ASAP1: variants seen among roughly 807,000 people sequenced by gnomAD.
The protein encoded by ASAP1 is arf-GAP with SH3 domain, ANK repeat and PH domain-containing protein 1.
A neutral mutation model predicts 145.2 loss-of-function variants in ASAP1; 43 were observed. The observed-to-expected ratio is 0.30, with a 90% CI of 0.23 to 0.38. ASAP1 has a LOEUF of 0.38. Among genes scored for constraint, ASAP1 ranks in the 10% least tolerant of loss-of-function variants. ASAP1 has a pLI of 1.00. For synonymous variants in ASAP1, 546 were observed against 515.5 expected (o/e 1.06, Z -0.80); for missense variants, 1,018 against 1,355.3 (o/e 0.75, Z 3.91).
intron 8 of ASAP1, 70 bp from the exon 9 acceptor site, chr8:130,179,419 GCTGAACATCACCC>G: frequency 1.1e-6 from 1 of 905,500 alleles, no homozygotes. Flanking sequence ...GGTTCAGGTG[GCTGAACATCACCC>G]CTGAATCTGC....
At chr8:130,280,182 A>G (rs1336228790) in intron 3 of ASAP1, among the ~76,000 whole-genome samples, 1 of 152,228 alleles carries the variant, frequency 6.6e-6, no homozygotes, top group Non-Finnish European at 1.5e-5. Flanking sequence ...AACTGAACAA[A>G]GATGATTTTA....
chr8:130,219,205 T>C (rs1199521283), intron 4 of ASAP1, among the ~76,000 whole-genome samples: 1 of 124,270 alleles, frequency 8.0e-6, no homozygotes, highest in African/African-American at 2.8e-5. Flanking sequence ...TCTTTTTTTT[T>C]TTTAACATAC....
chr8:130,284,739 G>A (rs1821491397), intron 3 of ASAP1, among the ~76,000 whole-genome samples: 1 of 151,882 alleles, frequency 6.6e-6, no homozygotes, highest in Admixed American at 6.6e-5. Context: ...AAGCATGACA[G>A]CTTTGCACAG....
chr8:130,335,774 T>C (rs1824994809), intron 3 of ASAP1, among the ~76,000 whole-genome samples: 1 of 152,134 alleles, frequency 6.6e-6, no homozygotes. Context: ...GTTAAGAAAA[T>C]GTAGCTCAGG....
At chr8:130,091,017 T>C (rs539421431) in intron 25 of ASAP1, among the ~76,000 whole-genome samples, 20 of 152,324 alleles carry the variant, frequency 1.3e-4, no homozygotes, top group Admixed American at 9.8e-4. Context: ...CGTGATGGGG[T>C]GACCCCTAAG....
chr8:130,334,071 T>C lies in ASAP1; in HGVS notation c.186+23946A>G, dbSNP rs150730350. On this transcript the variant is annotated intron_variant, in intron 3 of 29. Transcript: ENST00000518721. Reference sequence around the variant, plus strand: ...GTCCAGAAAGATGAGTAGGTGTTCATCTGGTACAGGAGGAGGCAAGGAGAC... The same window carrying C: ...GTCCAGAAAGATGAGTAGGTGTTCACCTGGTACAGGAGGAGGCAAGGAGAC... Among the ~76,000 whole-genome samples the C allele has an allele frequency of 5.3e-5, 8 of 152,280 alleles. No individual in the cohort carries two copies. In the East Asian group the frequency reaches 1.5e-3, roughly 29 times the overall value.
Position 130,188,163 on chromosome 8 carries a change from A to AT in ASAP1, c.425dup (p.Asn142LysfsTer26). ...ACAAAGAATCCAAGGTGAAGATCAC[A>AT]TTGTGGCTCAAACCCTGGAGCTGAA... On this transcript the variant is annotated frameshift_variant, in exon 6 of 30. Transcript: ENST00000518721. LOFTEE classifies it high-confidence loss of function. 1 of 1,613,894 alleles carries AT rather than the reference A, an allele frequency of 6.2e-7. No individual in the cohort carries two copies.
At chr8:130,434,007 C>T (rs1013702154) in intron 1 of ASAP1, among the ~76,000 whole-genome samples, 9 of 152,164 alleles carry the variant, frequency 5.9e-5, no homozygotes, top group African/African-American at 2.2e-4. Context: ...CACAGATCGC[C>T]TTGCTTAAAA....
chr8:130,377,384 AAG>A lies in ASAP1; in HGVS notation c.60-19243_60-19242del, dbSNP rs796715723. Among the ~76,000 whole-genome samples the A allele has an allele frequency of 2.0e-5, 3 of 152,212 alleles. No homozygotes were observed. In the East Asian group the frequency reaches 5.8e-4, roughly 29 times the overall value. On this transcript the variant is annotated intron_variant, in intron 2 of 29. Transcript: ENST00000518721. ...TTCCCCAAAAATTAAATTAAAAAAA[AAG>A]AATTCCTGAGACCATGTGTGATCGA...
intron 3 of ASAP1, among the ~76,000 whole-genome samples, chr8:130,308,241 T>C (rs1172687184): frequency 6.6e-6 from 1 of 152,204 alleles, no homozygotes; most frequent in Non-Finnish European, 1.5e-5. Flanking sequence ...TTGAGTGTTT[T>C]CTCCCACTGG....
chr8:130,366,270 T>C (rs1826944399), intron 2 of ASAP1, among the ~76,000 whole-genome samples: 1 of 152,214 alleles, frequency 6.6e-6, no homozygotes, highest in African/African-American at 2.4e-5. Context: ...CAGTATAAAG[T>C]TTGGCACACC....
intron 3 of ASAP1, among the ~76,000 whole-genome samples, chr8:130,353,613 T>TA (rs1464524143): frequency 2.0e-5 from 3 of 152,348 alleles, no homozygotes; most frequent in African/African-American, 7.2e-5. Context: ...CTCATGCCTG[T>TA]AATCCCAGCA....
At position 130,078,981 on chromosome 8, in the gene ASAP1, C is replaced by G. The variant is rs1398438483; in HGVS notation, c.2642+921G>C. Among the ~76,000 whole-genome samples, 3 of 152,192 alleles carry G rather than the reference C, an allele frequency of 2.0e-5. No individual in the cohort carries two copies. The East Asian group carries it at 5.8e-4, about 29-fold the overall frequency. ...GGCTGAAGCAGGAGGATTGCTTGAG[C>G]CCAGAAGTTCAAGACCAGCTTGGGC... On this transcript the variant is annotated intron_variant, in intron 26 of 29. Coordinates refer to ENST00000518721, the MANE Select transcript of ASAP1 (RefSeq NM_018482.4).
At chr8:130,187,733 T>A (rs908511687) in intron 6 of ASAP1, among the ~76,000 whole-genome samples, 1 of 152,048 alleles carries the variant, frequency 6.6e-6, no homozygotes, top group African/African-American at 2.4e-5. Context: ...CATCAAACCA[T>A]GTGTTATATA....
At chr8:130,222,168 T>C (rs1817330760) in intron 4 of ASAP1, among the ~76,000 whole-genome samples, 1 of 152,234 alleles carries the variant, frequency 6.6e-6, no homozygotes, top group Non-Finnish European at 1.5e-5. Flanking sequence ...AAACATACTT[T>C]GTATATTCAT....
At chr8:130,305,279 C>G (rs1347314209) in intron 3 of ASAP1, among the ~76,000 whole-genome samples, 4 of 152,240 alleles carry the variant, frequency 2.6e-5, no homozygotes, top group African/African-American at 9.6e-5. Flanking sequence ...TTCTTAGTCT[C>G]TTTCTCATTG....
intron 13 of ASAP1, among the ~76,000 whole-genome samples, chr8:130,151,401 A>G (rs1351231401): frequency 1.7e-5 from 2 of 120,018 alleles, no homozygotes; most frequent in Non-Finnish European, 3.5e-5. Flanking sequence ...AAAAAAAAAA[A>G]AAAAAAAAAA....
chr8:130,248,158 T>C lies in ASAP1; in HGVS notation c.187-11164A>G, dbSNP rs538051293. On this transcript the variant is annotated intron_variant, in intron 3 of 29. Transcript: ENST00000518721. ...TTTATCTACCTGGTATTTCTAATCCTAACTCTGGCCCATTGAGAGGTCACT... is the reference window on the plus strand; with the variant it reads ...TTTATCTACCTGGTATTTCTAATCCCAACTCTGGCCCATTGAGAGGTCACT... Among the ~76,000 whole-genome samples the C allele has an allele frequency of 5.9e-5, 9 of 152,182 alleles. No homozygotes were observed. In the South Asian group the frequency reaches 1.9e-3, roughly 32 times the overall value.
chr8:130,325,595 A>C (rs1463743597), intron 3 of ASAP1, among the ~76,000 whole-genome samples: 1 of 152,244 alleles, frequency 6.6e-6, no homozygotes, highest in Non-Finnish European at 1.5e-5. Flanking sequence ...TGGGATATAC[A>C]AAGAGGAAAG....
Sources: allele counts gnomAD v4.1 joint callset (sites outside exome capture counted in the v4.1 genomes callset), GRCh38; gene constraint gnomAD v4.1.1; transcripts MANE v1.5; gene names NCBI Gene and HGNC (gene_info 2026-07-23, HGNC 2026-07-21).